SCN8A: variants seen among roughly 807,000 people sequenced by gnomAD.
SCN8A encodes the protein sodium channel protein type 8 subunit alpha.
A neutral mutation model predicts 184.1 loss-of-function variants in SCN8A; 30 were observed. That is an observed-to-expected ratio of 0.16 (90% CI 0.12 to 0.22). The LOEUF (loss-of-function observed/expected upper bound fraction) is 0.22. Among genes scored for constraint, SCN8A ranks in the 10% least tolerant of loss-of-function variants. The pLI, the probability that SCN8A is intolerant of heterozygous loss-of-function variation, is 1.00. For missense variants in SCN8A, 1,057 were observed against 2,498.9 expected (o/e 0.42, Z 12.30); for synonymous variants, 852 against 907.0 (o/e 0.94, Z 1.09).
intron 1 of SCN8A, among the ~76,000 whole-genome samples, chr12:51,639,500 G>A (rs60560436): frequency 0.05 from 7,587 of 151,978 alleles, 253 homozygotes; most frequent in East Asian, 0.13. Flanking sequence ...CTGTAGCCTC[G>A]AACTCCCTGA....
chr12:51,723,600 G>GA lies in SCN8A; in HGVS notation c.1998+1693dup, dbSNP rs560772829. Among the ~76,000 whole-genome samples, 17 of 152,322 alleles carry GA rather than the reference G, an allele frequency of 1.1e-4. 1 individual carries two copies. The South Asian group carries it at 3.5e-3, about 32-fold the overall frequency. On this transcript the variant is annotated intron_variant, in intron 12 of 26. Transcript: ENST00000627620. ...GTCCTAAATAAAAATTCTGGGCTGG[G>GA]AGTGGTGGCTCACGCCTGTAATCCC...
At chr12:51,799,720 C>G (rs1202326290) in intron 26 of SCN8A, among the ~76,000 whole-genome samples, 1 of 152,222 alleles carries the variant, frequency 6.6e-6, no homozygotes, top group Non-Finnish European at 1.5e-5. Context: ...AATAAATGGG[C>G]CGGAGTAACA....
At chr12:51,652,461 C>T (rs1940736869) in intron 1 of SCN8A, among the ~76,000 whole-genome samples, 3 of 152,122 alleles carry the variant, frequency 2.0e-5, no homozygotes, top group Admixed American at 1.3e-4. Flanking sequence ...TCATTTTCTA[C>T]TTTGAAGCTT....
intron 12 of SCN8A, among the ~76,000 whole-genome samples, chr12:51,725,277 A>G (rs1173780384): frequency 6.6e-6 from 1 of 152,276 alleles, no homozygotes; most frequent in Admixed American, 6.5e-5. Flanking sequence ...GGAAGAAAAC[A>G]GCAAAACAAG....
intron 11 of SCN8A, among the ~76,000 whole-genome samples, chr12:51,719,851 C>T (rs369265740): frequency 3.2e-4 from 48 of 152,008 alleles, no homozygotes; most frequent in African/African-American, 9.2e-4. Context: ...CCGAGGCGGG[C>T]GGATCACGAG....
At chr12:51,716,955 A>G (rs1024389483) in intron 11 of SCN8A, among the ~76,000 whole-genome samples, 7 of 152,206 alleles carry the variant, frequency 4.6e-5, no homozygotes, top group Admixed American at 4.6e-4. Context: ...ACAAGTAGTT[A>G]CCACCTCTGT....
intron 12 of SCN8A, among the ~76,000 whole-genome samples, chr12:51,726,822 A>G (rs985331313): frequency 1.3e-5 from 2 of 152,054 alleles, no homozygotes; most frequent in Non-Finnish European, 2.9e-5. Context: ...TGACTTGGAG[A>G]AGGTGGGGCT....
At chr12:51,623,264 G>A (rs1565863138) in intron 1 of SCN8A, among the ~76,000 whole-genome samples, 1 of 152,154 alleles carries the variant, frequency 6.6e-6, no homozygotes, top group Non-Finnish European at 1.5e-5. Context: ...GCTAACCCAT[G>A]TATATATACA....
intron 8 of SCN8A, among the ~76,000 whole-genome samples, chr12:51,701,606 G>T (rs1026329418): frequency 6.6e-6 from 1 of 152,150 alleles, no homozygotes; most frequent in African/African-American, 2.4e-5. Flanking sequence ...GAGTAGCAAC[G>T]TAGTATTTGA....
chr12:51,742,316 C>T (rs574521281), intron 12 of SCN8A, among the ~76,000 whole-genome samples: 198 of 152,178 alleles, frequency 1.3e-3, no homozygotes, highest in South Asian at 3.1e-3. Flanking sequence ...TTCTTCTTGC[C>T]GTTAACATCC....
At position 51,679,201 on chromosome 12, in the gene SCN8A, G is replaced by A. The variant is rs141068702; in HGVS notation, c.277-4973G>A. Among the ~76,000 whole-genome samples the A allele has an allele frequency of 3.7e-4, 57 of 152,144 alleles. 4 individuals are homozygous for A. The East Asian group carries it at 0.011, about 29-fold the overall frequency. ...GAGGATTGCATGAGGCCAGGAGTTC[G>A]AGACCAGCCTGGACAACATAGCAAG... On this transcript the variant is annotated intron_variant, in intron 2 of 26. Transcript: ENST00000627620.
intron 1 of SCN8A, among the ~76,000 whole-genome samples, chr12:51,599,208 T>C (rs1253199073): frequency 6.6e-6 from 1 of 152,240 alleles, no homozygotes; most frequent in Non-Finnish European, 1.5e-5. Flanking sequence ...GACCTTATGT[T>C]CTAGGAGCTT....
chr12:51,673,635 T>G (rs1255811117), intron 2 of SCN8A, among the ~76,000 whole-genome samples: 1 of 152,198 alleles, frequency 6.6e-6, no homozygotes, highest in Non-Finnish European at 1.5e-5. Flanking sequence ...AAGAAGAGAT[T>G]CATACATTCA....
chr12:51,667,955 A>C (rs1941064506), intron 2 of SCN8A, among the ~76,000 whole-genome samples: 1 of 152,134 alleles, frequency 6.6e-6, no homozygotes, highest in Admixed American at 6.6e-5. Context: ...AGGCTGAGTC[A>C]GGCAGATCAC....
At chr12:51,748,778 G>A (rs1173705747) in intron 13 of SCN8A, among the ~76,000 whole-genome samples, 1 of 152,118 alleles carries the variant, frequency 6.6e-6, no homozygotes, top group Non-Finnish European at 1.5e-5. Context: ...TTTCCTGTGT[G>A]GCAGTAACCT....
intron 2 of SCN8A, among the ~76,000 whole-genome samples, chr12:51,670,184 C>G (rs1038985551): frequency 5.3e-5 from 8 of 152,176 alleles, no homozygotes; most frequent in African/African-American, 1.9e-4. Context: ...TGTCCCCTCT[C>G]TAAGTATGGC....
At chr12:51,659,093 C>T (rs969438420) in intron 1 of SCN8A, among the ~76,000 whole-genome samples, 1 of 152,188 alleles carries the variant, frequency 6.6e-6, no homozygotes, top group Non-Finnish European at 1.5e-5. Flanking sequence ...CTTAGATGCC[C>T]ATCAAGGTAG....
chr12:51,620,858 A>G (rs1259295717), intron 1 of SCN8A, among the ~76,000 whole-genome samples: 2 of 151,604 alleles, frequency 1.3e-5, no homozygotes, highest in Non-Finnish European at 2.9e-5. Context: ...GTGGTAGCAC[A>G]CGCCTGTGGT....
intron 9 of SCN8A, among the ~76,000 whole-genome samples, chr12:51,705,062 G>A (rs1484166337): frequency 2.0e-5 from 3 of 152,184 alleles, no homozygotes; most frequent in African/African-American, 7.2e-5. Context: ...AATGCTGTTT[G>A]AGGATCTGTA....
Sources: allele counts gnomAD v4.1 joint callset (sites outside exome capture counted in the v4.1 genomes callset), GRCh38; gene constraint gnomAD v4.1.1; transcripts MANE v1.5; gene names NCBI Gene and HGNC (gene_info 2026-07-23, HGNC 2026-07-21).